ASB3: variants seen among roughly 807,000 people sequenced by gnomAD.
ASB3 encodes ankyrin repeat and SOCS box containing 3.
ASB3 carries 41 observed loss-of-function variants against 54.5 expected under a neutral mutation model. The ratio of observed to expected loss-of-function variants is 0.75; its 90% CI spans 0.59 to 0.98. The LOEUF is 0.98. Ranked by LOEUF, ASB3 falls within the 50% of genes least tolerant of loss-of-function variation. ASB3 has a pLI of 0.00. For synonymous variants in ASB3, 266 were observed against 221.2 expected (o/e 1.20, Z -1.80); for missense variants, 733 against 620.0 (o/e 1.18, Z -1.94).
intron 8 of ASB3, among the ~76,000 whole-genome samples, chr2:53,696,167 A>AT (rs1669171052): frequency 1.3e-5 from 2 of 152,268 alleles, no homozygotes; most frequent in South Asian, 4.1e-4. Context: ...TTTCCACTGT[A>AT]TTTTTTCTAA....
At position 53,693,733 on chromosome 2, in the gene ASB3, C is replaced by A. The variant is rs1201511480; in HGVS notation, c.1369+151G>T. 8.1e-6 allele frequency: 9 copies of A among 1,110,692 alleles called. No individual in the cohort carries two copies. The Admixed American group carries it at 9.3e-5, about 12-fold the overall frequency. 68.8% of individuals were successfully genotyped at this position (1,110,692 alleles called of 1,614,324 possible). ...ACTGAAGGGAATTACTAGCCATCCC[C>A]TAACAACCCCATCTTTTCCTCACAT... is the stretch of plus-strand genomic sequence containing the variant. On this transcript the variant is annotated intron_variant, in intron 9 of 9. Coordinates refer to ENST00000263634, the MANE Select transcript of ASB3 (RefSeq NM_016115.5).
intron 1 of ASB3, among the ~76,000 whole-genome samples, chr2:53,778,943 G>GT (rs1479701107): frequency 6.6e-6 from 1 of 152,136 alleles, no homozygotes; most frequent in Non-Finnish European, 1.5e-5. Flanking sequence ...TCTATTTTTA[G>GT]TTTTTTGAGG....
At chr2:53,767,112 C>T (rs1284646313) in intron 1 of ASB3, among the ~76,000 whole-genome samples, 2 of 152,132 alleles carry the variant, frequency 1.3e-5, no homozygotes, top group Non-Finnish European at 2.9e-5. Context: ...ATTTTGTATA[C>T]AAATTCAGGT....
intron 8 of ASB3, among the ~76,000 whole-genome samples, chr2:53,696,724 C>T (rs1302859000): frequency 6.6e-6 from 1 of 152,022 alleles, no homozygotes; most frequent in East Asian, 1.9e-4. Context: ...AATAACAATA[C>T]AACAATAAAA....
At chr2:53,751,862 G>A (rs1164692980) in intron 2 of ASB3, among the ~76,000 whole-genome samples, 1 of 152,126 alleles carries the variant, frequency 6.6e-6, no homozygotes, top group Non-Finnish European at 1.5e-5. Context: ...CTTCACAGAT[G>A]CACAACTAAA....
At chr2:53,712,767 C>T (rs142093847) in intron 7 of ASB3, among the ~76,000 whole-genome samples, 104 of 147,644 alleles carry the variant, frequency 7.0e-4, no homozygotes, top group African/African-American at 2.5e-3. Context: ...CACACACACA[C>T]AGGCGCGCGC....
At chr2:53,700,179 C>A (rs1271758500) in intron 8 of ASB3, 92 bp downstream of exon 8, 2 of 1,510,236 alleles carry the variant, frequency 1.3e-6, no homozygotes, top group African/African-American at 2.8e-5. Context: ...ACACAGATAC[C>A]CTTCTCCAAA....
chr2:53,700,786 T>A (rs1036148911), intron 7 of ASB3, among the ~76,000 whole-genome samples: 33 of 152,148 alleles, frequency 2.2e-4, no homozygotes, highest in African/African-American at 7.5e-4. Context: ...AATGTCATTT[T>A]AAAAAAAATT....
intron 5 of ASB3, among the ~76,000 whole-genome samples, chr2:53,726,165 A>C (rs1262585662): frequency 6.6e-6 from 1 of 152,140 alleles, no homozygotes; most frequent in Non-Finnish European, 1.5e-5. Flanking sequence ...GAACAAAGCA[A>C]ACCAAAACAG....
At chr2:53,671,293 G>C (rs776564720) in intron 9 of ASB3, among the ~76,000 whole-genome samples, 2 of 151,510 alleles carry the variant, frequency 1.3e-5, no homozygotes, top group African/African-American at 2.4e-5. Flanking sequence ...ACTTTCCAAA[G>C]TCACAGAGCT....
At chr2:53,754,644 A>G (rs1020593809) in intron 2 of ASB3, among the ~76,000 whole-genome samples, 1 of 152,232 alleles carries the variant, frequency 6.6e-6, no homozygotes, top group African/African-American at 2.4e-5. Flanking sequence ...CTTCGGGCCA[A>G]TTACTTAAAC....
At position 53,696,585 on chromosome 2, in the gene ASB3, T is replaced by G. The variant is rs530068309; in HGVS notation, c.1239-2571A>C. Reference sequence around the variant, plus strand: ...AGGAGCAGGAAGAAGCAAGAAAAATTGGCACAAATCCCTCAGGTTAGGCAA... The same window carrying G: ...AGGAGCAGGAAGAAGCAAGAAAAATGGGCACAAATCCCTCAGGTTAGGCAA... On this transcript the variant is annotated intron_variant, in intron 8 of 9. Coordinates refer to ENST00000263634, the MANE Select transcript of ASB3 (RefSeq NM_016115.5). Among the ~76,000 whole-genome samples, 8 of 152,224 alleles carry G rather than the reference T, an allele frequency of 5.3e-5. No homozygotes were observed. In the South Asian group the frequency reaches 1.7e-3, roughly 32 times the overall value.
chr2:53,702,223 C>CA (rs1047368407), intron 7 of ASB3, among the ~76,000 whole-genome samples: 8 of 151,960 alleles, frequency 5.3e-5, no homozygotes, highest in African/African-American at 1.7e-4. Context: ...GACCATTTCC[C>CA]AAAAAAACTA....
At position 53,781,967 on chromosome 2, in the gene ASB3, T is replaced by G. The variant is rs556005214; in HGVS notation, c.-14+4854A>C. On this transcript the variant is annotated intron_variant, in intron 1 of 9. Transcript: ENST00000263634. ...TTCAACAAGTACTGGCTGGGTGCCA[T>G]GGCTCACATCTGTAATCCCAACACT... 2.6e-5 allele frequency among the ~76,000 whole-genome samples: 4 copies of G among 152,292 alleles called. No homozygotes were observed. In the South Asian group the frequency reaches 8.3e-4, roughly 32 times the overall value.
chr2:53,681,746 GT>G (rs1668382127), intron 9 of ASB3, among the ~76,000 whole-genome samples: 1 of 152,138 alleles, frequency 6.6e-6, no homozygotes, highest in Non-Finnish European at 1.5e-5. Context: ...GTACCAGGCT[GT>G]TTTAGTTACT....
chr2:53,755,288 G>A (rs552946943), intron 2 of ASB3, among the ~76,000 whole-genome samples: 159 of 152,214 alleles, frequency 1.0e-3, no homozygotes, highest in Non-Finnish European at 1.2e-4. Context: ...CACTGCCAAT[G>A]GAACCACACC....
In ASB3 at chr2:53,702,054, C is replaced by T. The variant is rs182374121; in HGVS notation, c.981-1526G>A. Among the ~76,000 whole-genome samples, 478 of 152,226 alleles carry T rather than the reference C, an allele frequency of 3.1e-3. 2 individuals carry two copies. The highest frequency in any genetic ancestry group is 9.7e-3 in the African/African-American group (401 of 41,548). ...TTTAACAATACAACCCCTTTAATCC[C>T]ATATAATATCTATTAACAATCTACA... is the stretch of plus-strand genomic sequence containing the variant. On this transcript the variant is annotated intron_variant, in intron 7 of 9. Transcript: ENST00000263634.
chr2:53,714,887 C>T (rs1294481365), intron 6 of ASB3, among the ~76,000 whole-genome samples: 1 of 152,034 alleles, frequency 6.6e-6, no homozygotes, highest in Non-Finnish European at 1.5e-5. Context: ...CACCTTAACC[C>T]CCAAAATTCA....
chr2:53,756,169 A>T (rs1672813615), intron 2 of ASB3, among the ~76,000 whole-genome samples: 1 of 152,064 alleles, frequency 6.6e-6, no homozygotes, highest in Non-Finnish European at 1.5e-5. Context: ...CCATCTCTTT[A>T]AAAAAATTTT....
Sources: allele counts gnomAD v4.1 joint callset (sites outside exome capture counted in the v4.1 genomes callset), GRCh38; gene constraint gnomAD v4.1.1; transcripts MANE v1.5; gene names NCBI Gene and HGNC (gene_info 2026-07-23, HGNC 2026-07-21).